Variants in DPP8 observed in about 807,000 individuals in gnomAD.
The protein encoded by DPP8 is dipeptidyl peptidase 8.
DPP8 carries 31 observed loss-of-function variants against 107.5 expected under a neutral mutation model. That is an observed-to-expected ratio of 0.29 (90% CI 0.22 to 0.39). DPP8 has a LOEUF of 0.39. Ranked by LOEUF, DPP8 falls within the 10% of genes least tolerant of loss-of-function variation. DPP8 has a pLI of 1.00. For missense variants in DPP8, 842 were observed against 1,076.1 expected (o/e 0.78, Z 3.04); for synonymous variants, 381 against 356.6 (o/e 1.07, Z -0.77).
intron 3 of DPP8, 88 bp from the exon 4 acceptor site, chr15:65,500,867 T>C (rs988243823): frequency 1.5e-5 from 13 of 891,214 alleles, no homozygotes; most frequent in South Asian, 2.0e-5. Flanking sequence ...TCCAACATTA[T>C]TGACTCTTTT....
chr15:65,477,390 C>T (rs991695799), intron 11 of DPP8, among the ~76,000 whole-genome samples: 7 of 143,644 alleles, frequency 4.9e-5, no homozygotes, highest in South Asian at 2.2e-4. Context: ...AGCGAGACTC[C>T]GTCTCAAAAA....
intron 6 of DPP8, among the ~76,000 whole-genome samples, chr15:65,488,603 CAAAAAAAAA>C (rs1166493197): frequency 6.6e-5 from 3 of 45,288 alleles, no homozygotes; most frequent in African/African-American, 2.5e-4. Context: ...GACCCTGCCT[CAAAAAAAAA>C]AAAAAAAAAA....
chr15:65,465,493 T>C (rs1029703703), intron 14 of DPP8, among the ~76,000 whole-genome samples: 4 of 151,142 alleles, frequency 2.6e-5, no homozygotes, highest in African/African-American at 9.7e-5. Context: ...TTAGCAGAAA[T>C]AGCTAGTTAG....
chr15:65,471,909 A>G (rs888506569), intron 12 of DPP8, among the ~76,000 whole-genome samples: 2 of 152,152 alleles, frequency 1.3e-5, no homozygotes, highest in African/African-American at 4.8e-5. Context: ...ATCCTTCAAT[A>G]AATCTTCCTG....
At chr15:65,482,912 C>T (rs190439921) in intron 8 of DPP8, among the ~76,000 whole-genome samples, 39 of 151,398 alleles carry the variant, frequency 2.6e-4, no homozygotes, top group African/African-American at 8.2e-4. Context: ...CTGGCTAACA[C>T]GGTGAAACCC....
chr15:65,480,292 AGTCTCT>A lies in DPP8; in HGVS notation c.1220_1225del (p.Gln407_Arg408del). On this transcript the variant is annotated inframe_deletion, in exon 10 of 20. Transcript: ENST00000300141. ...CACAGAATCAGGCACTGACTCAATG[AGTCTCT>A]GCCTTTCCATAACATCATCTTCTAC... 1 of 1,613,976 alleles carries A rather than the reference AGTCTCT, an allele frequency of 6.2e-7. No individual in the cohort carries two copies. Among genetic ancestry groups the A allele is most frequent in the Non-Finnish European group, 8.5e-7 (1 of 1,179,962 alleles).
chr15:65,499,021 G>A (rs2068887762), intron 4 of DPP8, among the ~76,000 whole-genome samples: 1 of 151,034 alleles, frequency 6.6e-6, no homozygotes, highest in Admixed American at 6.6e-5. Context: ...TCTTGCCACT[G>A]CACTCCAGCC....
chr15:65,497,139 C>A (rs964520959), intron 5 of DPP8, among the ~76,000 whole-genome samples: 6 of 152,232 alleles, frequency 3.9e-5, no homozygotes, highest in Non-Finnish European at 8.8e-5. Context: ...ATCCACCTGC[C>A]TTGGCCTCCC....
rs1394513790 is a variant in DPP8 at position 65,447,902 on chromosome 15, TTATTA to T, written c.2527-901_2527-897del. Reference sequence around the variant, plus strand: ...TTTTCCGATGAGCTCAGTAGTAATATTATTATATGTGATTTTAAAAATATTGTACA... The same window carrying T: ...TTTTCCGATGAGCTCAGTAGTAATATTATGTGATTTTAAAAATATTGTACA... On this transcript the variant is annotated intron_variant, in intron 19 of 19. Coordinates refer to ENST00000300141, the MANE Select transcript of DPP8 (RefSeq NM_130434.5). Among the ~76,000 whole-genome samples, 28 of 152,176 alleles carry T rather than the reference TTATTA, an allele frequency of 1.8e-4. 1 individual carries two copies. Among genetic ancestry groups the T allele is most frequent in the African/African-American group, 6.5e-4 (27 of 41,432 alleles).
At chr15:65,478,496 G>A (rs1472966094) in intron 11 of DPP8, among the ~76,000 whole-genome samples, 3 of 152,048 alleles carry the variant, frequency 2.0e-5, no homozygotes, top group African/African-American at 7.2e-5. Context: ...CTGACCTCAG[G>A]TGATCCGCCT....
At chr15:65,456,844 T>C (rs1010648240) in intron 15 of DPP8, among the ~76,000 whole-genome samples, 22 of 152,188 alleles carry the variant, frequency 1.4e-4, no homozygotes, top group African/African-American at 5.3e-4. Context: ...CCTCATCTCA[T>C]ACCATTTCCC....
chr15:65,485,831 C>T (rs1459467441), intron 7 of DPP8, among the ~76,000 whole-genome samples: 4 of 151,662 alleles, frequency 2.6e-5, no homozygotes, highest in African/African-American at 7.3e-5. Flanking sequence ...CAGTGGCTCA[C>T]GCCTGTAATC....
chr15:65,447,061 T>C (rs1567119238), intron 19 of DPP8, 55 bp from the exon 20 acceptor site: 1 of 1,384,258 alleles, frequency 7.2e-7, no homozygotes, highest in African/African-American at 1.5e-5. Flanking sequence ...TAGTAATACA[T>C]CTTCTTCCAA....
chr15:65,479,120 G>A (rs1051314532), intron 10 of DPP8, 81 bp from the exon 11 acceptor site: 2 of 928,114 alleles, frequency 2.2e-6, no homozygotes, highest in Non-Finnish European at 3.1e-6. Flanking sequence ...AAAATTTCTT[G>A]ATAAATATAC....
chr15:65,498,148 G>A (rs958965287), intron 4 of DPP8, 116 bp from the exon 5 acceptor site: 28 of 781,886 alleles, frequency 3.6e-5, no homozygotes, highest in Non-Finnish European at 4.8e-5. Flanking sequence ...GAGGCCGGGC[G>A]TGGTGACTTA....
intron 16 of DPP8, 92 bp downstream of exon 16, chr15:65,456,133 C>G (rs974851640): frequency 2.8e-6 from 4 of 1,431,656 alleles, no homozygotes; most frequent in Non-Finnish European, 3.8e-6. Flanking sequence ...TTCATAGCCC[C>G]TTCCCCCAAC....
intron 15 of DPP8, among the ~76,000 whole-genome samples, chr15:65,461,295 C>A (rs2064899892): frequency 6.6e-6 from 1 of 152,042 alleles, no homozygotes; most frequent in South Asian, 2.1e-4. Flanking sequence ...CAGGCATGAG[C>A]CACCACGCCT....
rs2063382820 is a variant in DPP8, at chr15:65,443,710, T to C, written c.*3174A>G. 1 of 152,126 alleles carries C rather than the reference T, an allele frequency of 6.6e-6. No individual in the cohort carries two copies. Among genetic ancestry groups the C allele is most frequent in the Non-Finnish European group, 1.5e-5 (1 of 68,030 alleles). 9.4% of individuals were successfully genotyped at this position (152,126 alleles called of 1,614,324 possible). A position where few individuals can be genotyped will look rare whatever the true frequency, so the allele number is the denominator to read the frequency against. Reference sequence around the variant, plus strand: ...TCAGAGTGAGACGGGGCCAAATAGTTACCACAGATGAGCAGCTTCATGGAC... The same window carrying C: ...TCAGAGTGAGACGGGGCCAAATAGTCACCACAGATGAGCAGCTTCATGGAC... On this transcript the variant is annotated 3_prime_UTR_variant, in exon 20 of 20. Transcript: ENST00000300141.
At chr15:65,459,736 C>T (rs1244466654) in intron 15 of DPP8, among the ~76,000 whole-genome samples, 2 of 152,094 alleles carry the variant, frequency 1.3e-5, no homozygotes, top group Non-Finnish European at 2.9e-5. Flanking sequence ...GGGTAGATCA[C>T]CTGAGGTCAG....
Sources: gnomAD v4.1 joint callset for allele counts (sites outside exome capture counted in the v4.1 genomes callset) on GRCh38, gnomAD v4.1.1 for gene constraint, MANE v1.5 for transcripts, NCBI Gene and HGNC (gene_info 2026-07-23, HGNC 2026-07-21) for gene names.